The following TIMP2 variants were observed in gnomAD, a reference collection of about 807,000 sequenced individuals.
TIMP2 encodes the protein metalloproteinase inhibitor 2.
A neutral mutation model predicts 24.3 loss-of-function variants in TIMP2; 5 were observed. The observed-to-expected ratio is 0.21, with a 90% confidence interval of 0.11 to 0.43. The LOEUF (loss-of-function observed/expected upper bound fraction) is 0.43. TIMP2 is among the 20% of genes least tolerant of loss of function. The probability of loss-of-function intolerance (pLI) is 1.00; values close to 1 mark genes in which losing one functional copy is unlikely to be tolerated. For missense variants in TIMP2, 221 were observed against 297.5 expected, an observed-to-expected ratio of 0.74 and a Z score of 1.89; for synonymous variants, 130 against 123.2, an observed-to-expected ratio of 1.06 and a Z score of -0.37.
chr17:78,904,418 C>A (rs937200541), intron 1 of TIMP2: 1 of 151,948 alleles, frequency 6.6e-6, no homozygotes, highest in African/African-American at 2.4e-5. Flanking sequence ...AGCAGGAATT[C>A]GGCTGAGGTG....
At chr17:78,901,178 G>A (rs2070086839) in intron 1 of TIMP2, 1 of 153,212 alleles carries the variant, frequency 6.5e-6, no homozygotes, top group African/African-American at 2.4e-5. Flanking sequence ...ACACCCACGT[G>A]GTGCTGGATT....
At chr17:78,862,850 A>G (rs898047174) in intron 3 of TIMP2, among the ~76,000 whole-genome samples, 1 of 152,200 alleles carries the variant, frequency 6.6e-6, no homozygotes, top group African/African-American at 2.4e-5. Flanking sequence ...CCTTAGGATA[A>G]TGGTTTCCAG....
Position 78,906,792 on chromosome 17 carries a change from A to G in TIMP2, c.130+18167T>C, listed in dbSNP as rs1174532618. On this transcript the variant is annotated intron_variant, in intron 1 of 4. Transcript: ENST00000262768. Reference sequence around the variant, plus strand: ...GAGACGGGGTTTTACCATGTTGGCCAGGCTGGTCTTGAACTCCTGACCTCA... The same window carrying G: ...GAGACGGGGTTTTACCATGTTGGCCGGGCTGGTCTTGAACTCCTGACCTCA... Among the ~76,000 whole-genome samples the G allele has an allele frequency of 2.0e-5, 3 of 152,130 alleles. No homozygotes were observed. The East Asian group carries it at 5.8e-4, about 29-fold the overall frequency.
chr17:78,883,664 G>C (rs1455453421), intron 1 of TIMP2, among the ~76,000 whole-genome samples: 1 of 152,136 alleles, frequency 6.6e-6, no homozygotes, highest in South Asian at 2.1e-4. Context: ...CACGTGAGCT[G>C]CTGGCCACTG....
intron 1 of TIMP2, among the ~76,000 whole-genome samples, chr17:78,910,002 T>G (rs901432253): frequency 1.1e-4 from 17 of 152,134 alleles, no homozygotes; most frequent in Non-Finnish European, 1.9e-4. Flanking sequence ...GCTGGGCCTT[T>G]ATTTTTAATG....
intron 1 of TIMP2, chr17:78,901,375 G>T: frequency 4.3e-6 from 1 of 232,498 alleles, no homozygotes; most frequent in Non-Finnish European, 8.6e-6. Flanking sequence ...GAGATGCACG[G>T]GCTGAAGAAC....
chr17:78,865,676 C>T (rs1270488151), intron 3 of TIMP2, among the ~76,000 whole-genome samples: 6 of 151,532 alleles, frequency 4.0e-5, no homozygotes, highest in Admixed American at 3.9e-4. Context: ...CCTGTAATCC[C>T]AGCTACTTGG....
intron 2 of TIMP2, among the ~76,000 whole-genome samples, chr17:78,872,574 C>G (rs777965759): frequency 2.6e-5 from 4 of 152,154 alleles, no homozygotes; most frequent in South Asian, 4.1e-4. Flanking sequence ...GAGTGACACT[C>G]CAGCTTGTAC....
chr17:78,899,159 C>T (rs1270666345), intron 1 of TIMP2: 1 of 152,584 alleles, frequency 6.6e-6, no homozygotes, highest in African/African-American at 2.4e-5. Flanking sequence ...GCTTGGAGTA[C>T]TGCGGCCCTG....
chr17:78,911,080 T>C (rs368392853), intron 1 of TIMP2, among the ~76,000 whole-genome samples: 5 of 152,136 alleles, frequency 3.3e-5, no homozygotes, highest in African/African-American at 1.2e-4. Context: ...CCACCGCATA[T>C]ACGAGTTCCC....
chr17:78,920,840 C>T lies in TIMP2; in HGVS notation c.130+4119G>A, dbSNP rs1437085560. Among the ~76,000 whole-genome samples the T allele has an allele frequency of 6.6e-6, 1 of 152,168 alleles. No individual in the cohort carries two copies. Among genetic ancestry groups the T allele is most frequent in the African/African-American group, 2.4e-5 (1 of 41,446 alleles). On this transcript the variant is annotated intron_variant, in intron 1 of 4. Coordinates refer to ENST00000262768, the MANE Select transcript of TIMP2 (RefSeq NM_003255.5). The surrounding 1 kb of genome is among the most constrained non-coding windows in gnomAD (Gnocchi z 4.5). ...CGGGCAGCAGGAACCCCCTTCCACA[C>T]CGCCTGGTGCCAAGATGTACCACCC... is the stretch of plus-strand genomic sequence containing the variant.
rs1266213583 is a variant in TIMP2 at position 78,854,818 on chromosome 17, C to A, written c.*849G>T. The A allele has an allele frequency of 6.6e-6, 1 of 152,118 alleles. No individual in the cohort carries two copies. Among genetic ancestry groups the A allele is most frequent in the Non-Finnish European group, 1.5e-5 (1 of 68,242 alleles). The allele number at this position is 152,118 out of a possible 1,614,324, so 9.4% of individuals were successfully genotyped here. Reference sequence around the variant, plus strand: ...AGAACAGGCAAGAAGCAATGGCAACCGCAGCAGCTAGGGAAGGGACCTTGA... The same window carrying A: ...AGAACAGGCAAGAAGCAATGGCAACAGCAGCAGCTAGGGAAGGGACCTTGA... On this transcript the variant is annotated 3_prime_UTR_variant, in exon 5 of 5. Transcript: ENST00000262768.
At chr17:78,887,545 C>T (rs940525276) in intron 1 of TIMP2, among the ~76,000 whole-genome samples, 20 of 152,218 alleles carry the variant, frequency 1.3e-4, no homozygotes, top group African/African-American at 2.2e-4. Context: ...CCGCCACGCC[C>T]GGCTAATTTC....
chr17:78,864,913 G>A (rs1387633741), intron 3 of TIMP2, among the ~76,000 whole-genome samples: 1 of 151,962 alleles, frequency 6.6e-6, no homozygotes, highest in Non-Finnish European at 1.5e-5. Flanking sequence ...AATTAGCTGG[G>A]CGTGGTGGTG....
At chr17:78,858,603 C>T (rs2069544286) in intron 3 of TIMP2, among the ~76,000 whole-genome samples, 2 of 152,198 alleles carry the variant, frequency 1.3e-5, no homozygotes, top group South Asian at 2.1e-4. Context: ...TCACTGCAGC[C>T]TTGACCTCCC....
intron 3 of TIMP2, among the ~76,000 whole-genome samples, chr17:78,861,420 T>C (rs1437626668): frequency 6.6e-6 from 1 of 152,174 alleles, no homozygotes. Context: ...GTTTCCACAG[T>C]TCCCTGCACA....
At chr17:78,870,181 C>G (rs1463475750) in intron 3 of TIMP2, among the ~76,000 whole-genome samples, 4 of 152,028 alleles carry the variant, frequency 2.6e-5, no homozygotes, top group Non-Finnish European at 2.9e-5. Flanking sequence ...TTTGGGAGGC[C>G]GAGGTGGGTG....
chr17:78,871,449 C>CAAAAAAAAAAAA (rs749440079), intron 2 of TIMP2, among the ~76,000 whole-genome samples: 6 of 122,542 alleles, frequency 4.9e-5, no homozygotes, highest in African/African-American at 9.3e-5. Flanking sequence ...AAGACTCCGT[C>CAAAAAAAAAAAA]AAAAAAAAAA....
intron 1 of TIMP2, among the ~76,000 whole-genome samples, chr17:78,907,176 G>C (rs900752634): frequency 5.3e-5 from 8 of 152,198 alleles, no homozygotes; most frequent in African/African-American, 1.9e-4. Flanking sequence ...TAGGACTACA[G>C]GCATGTGCCA....
Sources: gnomAD v4.1 joint callset for allele counts (sites outside exome capture counted in the v4.1 genomes callset) on GRCh38, gnomAD v4.1.1 for gene constraint, Gnocchi (gnomAD v3.1) non-coding constraint, MANE v1.5 for transcripts, NCBI Gene and HGNC (gene_info 2026-07-23, HGNC 2026-07-21) for gene names.